The following DIDO1 variants were observed in gnomAD, a reference collection of about 807,000 sequenced individuals.
The protein encoded by DIDO1 is death inducer-obliterator 1.
Under a neutral mutation model 99.4 loss-of-function variants are expected in DIDO1, and 16 were observed. That is an observed-to-expected ratio of 0.16 (90% CI 0.11 to 0.24). DIDO1 has a LOEUF of 0.24. Among genes scored for constraint, DIDO1 ranks in the 10% least tolerant of loss-of-function variants. The pLI is 1.00. For missense variants in DIDO1, 2,996 were observed against 3,014.0 expected, an observed-to-expected ratio of 0.99 and a Z score of 0.14; for synonymous variants, 1,366 against 1,239.1, an observed-to-expected ratio of 1.10 and a Z score of -2.15.
rs1248559764 is a variant in DIDO1 at position 62,911,566 on chromosome 20, A to G, written c.47T>C (p.Ile16Thr). 6.2e-7 allele frequency: 1 copy of G among 1,608,940 alleles called. No homozygotes were observed. The highest frequency in any genetic ancestry group is 1.1e-5 in the South Asian group (1 of 90,064). Reference protein sequence around the residue: ...DPSNEEAPKAIKPTSKEFRKT... With the variant: ...DPSNEEAPKATKPTSKEFRKT... The stretch of plus-strand genomic sequence containing the variant: ...CCTGAACTCTTTGCTGGTGGGTTTG[A>G]TGGCCTTAGGTGCCTCCTCATTGCT... The change falls in exon 3 of 16, where the codon ATC becomes ACC. Residue 16 changes from isoleucine to threonine, a missense_variant. This residue lies in a region of DIDO1 where 388 missense variants were observed against 376.6 expected (regional missense o/e 1.03). Transcript: ENST00000395343. The surrounding 1 kb of genome is among the most constrained non-coding windows in gnomAD (Gnocchi z 7.0).
chr20:62,886,321 G>A (rs1477902953), intron 15 of DIDO1, among the ~76,000 whole-genome samples: 1 of 152,224 alleles, frequency 6.6e-6, no homozygotes, highest in African/African-American at 2.4e-5. Context: ...AAGGCAAATG[G>A]CTTTCTTCAG....
At chr20:62,914,734 TGGA>T (rs1477110776) in intron 1 of DIDO1, among the ~76,000 whole-genome samples, 4 of 152,206 alleles carry the variant, frequency 2.6e-5, no homozygotes, top group African/African-American at 9.7e-5. Flanking sequence ...CTTTTCCATT[TGGA>T]GCCTATGTCC....
chr20:62,884,439 G>A (rs1042032023), intron 15 of DIDO1, among the ~76,000 whole-genome samples: 5 of 152,224 alleles, frequency 3.3e-5, no homozygotes, highest in South Asian at 2.1e-4. Flanking sequence ...ACAACTCAAC[G>A]GTACAGATAA....
chr20:62,907,983 CTTTT>C (rs546785628), intron 4 of DIDO1, among the ~76,000 whole-genome samples: 1 of 149,468 alleles, frequency 6.7e-6, no homozygotes, highest in Non-Finnish European at 1.5e-5. Context: ...ATGAAACATA[CTTTT>C]TTTTTTGTTT....
intron 6 of DIDO1, among the ~76,000 whole-genome samples, chr20:62,902,282 A>C (rs1396011031): frequency 6.6e-6 from 1 of 152,246 alleles, no homozygotes; most frequent in African/African-American, 2.4e-5. Context: ...AAATAACAAA[A>C]GAATGTCATT....
Position 62,881,018 on chromosome 20 carries a change from C to A in DIDO1, c.4938G>T (p.Thr1646=). 1 of 1,604,782 alleles carries A rather than the reference C, an allele frequency of 6.2e-7. No homozygotes were observed. The highest frequency in any genetic ancestry group is 8.5e-7 in the Non-Finnish European group (1 of 1,178,274). Residue 1646 remains threonine (T), a synonymous_variant, in exon 16 of 16, where the codon ACG becomes ACT. Coordinates refer to ENST00000395343, the MANE Select transcript of DIDO1 (RefSeq NM_001193369.2). This position sits in a 1 kb window ranked among gnomAD's most constrained non-coding sequence, Gnocchi z 8.3. ...CAGGCCTGGCCGAGCTGTCTCCAAC[C>A]GTGGCGGGGCGGGTGCCCTCCCCAG... ...AEPGEGTRPA[T]VGDSSARPAR...
At chr20:62,916,134 G>C (rs1457608154) in intron 1 of DIDO1, among the ~76,000 whole-genome samples, 1 of 152,106 alleles carries the variant, frequency 6.6e-6, no homozygotes, top group East Asian at 1.9e-4. Flanking sequence ...TATAATTAGT[G>C]TGTAATTCTA....
chr20:62,904,780 C>CAAAAAAAAAAAAAAAAA lies in DIDO1; in HGVS notation c.1588+1090_1588+1106dup, dbSNP rs58039393. Among the ~76,000 whole-genome samples, 14 of 62,624 alleles carry CAAAAAAAAAAAAAAAAA rather than the reference C, an allele frequency of 2.2e-4. 1 individual carries two copies. The highest frequency in any genetic ancestry group is 1.3e-3 in the East Asian group (3 of 2,346). The allele number at this position is 62,624 out of a possible 152,430, so 41.1% of individuals were successfully genotyped here. A position where few individuals can be genotyped will look rare whatever the true frequency, so the allele number is the denominator to read the frequency against. On this transcript the variant is annotated intron_variant, in intron 6 of 15. Coordinates refer to ENST00000395343, the MANE Select transcript of DIDO1 (RefSeq NM_001193369.2). ...GGGTGACAGAGCAAGACTCTTGTCT[C>CAAAAAAAAAAAAAAAAA]AAAAAAAAAAAAAAAAAAAAAAAAA...
At chr20:62,882,607 G>GGAACGCACCGCCCCGT (rs1323111614) in intron 15 of DIDO1, among the ~76,000 whole-genome samples, 193 bp from the exon 16 acceptor site, 1 of 152,140 alleles carries the variant, frequency 6.6e-6, no homozygotes, top group African/African-American at 2.4e-5. Flanking sequence ...CACCGCCCCG[G>GGAACGCACCGCCCCGT]GAACGAGCTG....
At position 62,878,398 on chromosome 20, in the gene DIDO1, T is replaced by C. The variant is rs566126521; in HGVS notation, c.*835A>G. The C allele has an allele frequency of 6.6e-5, 10 of 152,318 alleles. No homozygotes were observed. In the East Asian group the frequency reaches 1.2e-3, roughly 18 times the overall value. 9.4% of individuals were successfully genotyped at this position (152,318 alleles called of 1,614,324 possible). The stretch of plus-strand genomic sequence containing the variant: ...ACTTTTACATGTATCGTCTGACAAA[T>C]ACCAGTTTGGGGCCGAGCGTACTTT... On this transcript the variant is annotated 3_prime_UTR_variant, in exon 16 of 16. Coordinates refer to ENST00000395343, the MANE Select transcript of DIDO1 (RefSeq NM_001193369.2).
At chr20:62,937,769 C>T in intron 1 of DIDO1, 1 of 398,150 alleles carries the variant, frequency 2.5e-6, no homozygotes, top group Non-Finnish European at 4.4e-6. Flanking sequence ...TGCGGCCTCA[C>T]GCAAACGACA....
chr20:62,926,697 G>A (rs926533422), upstream of DIDO1, among the ~76,000 whole-genome samples: 27 of 152,218 alleles, frequency 1.8e-4, no homozygotes, highest in African/African-American at 6.5e-4. Flanking sequence ...TGCATCCTTT[G>A]TGGACACCTT....
Position 62,891,987 on chromosome 20 carries a change from C to T in DIDO1, c.3345G>A (p.Lys1115=), listed in dbSNP as rs6011448. The change falls in exon 14 of 16, where the codon AAG becomes AAA. Residue 1115 remains lysine (K), a splice_region_variant and synonymous_variant. Coordinates refer to ENST00000395343, the MANE Select transcript of DIDO1 (RefSeq NM_001193369.2). ...YVGKLKSSVS[K]ELCLIRFHPA... ...CAGAATTTATACTATAAGCAGGTACCTTAGACACAGAAGACTTGAGTTTGC... is the reference window on the plus strand; with the variant it reads ...CAGAATTTATACTATAAGCAGGTACTTTAGACACAGAAGACTTGAGTTTGC... The T allele has an allele frequency of 6.2e-7, 1 of 1,610,026 alleles. No homozygotes were observed. The highest frequency in any genetic ancestry group is 8.5e-7 in the Non-Finnish European group (1 of 1,178,876).
chr20:62,891,356 C>T (rs571101149), intron 14 of DIDO1, among the ~76,000 whole-genome samples: 1 of 152,336 alleles, frequency 6.6e-6, no homozygotes, highest in South Asian at 2.1e-4. Flanking sequence ...GCTCTTCCTA[C>T]ATGCACGACG....
intron 1 of DIDO1, among the ~76,000 whole-genome samples, chr20:62,919,308 G>A (rs560090515): frequency 8.5e-5 from 13 of 152,212 alleles, no homozygotes; most frequent in Non-Finnish European, 1.8e-4. Context: ...GGAGGCTGAG[G>A]CAGGTGGATC....
intron 12 of DIDO1, 93 bp from the exon 13 acceptor site, chr20:62,893,055 C>A: frequency 2.2e-6 from 3 of 1,346,382 alleles, no homozygotes; most frequent in Non-Finnish European, 2.0e-6. Context: ...GAGACAGGAT[C>A]TCATTCTGTC....
At chr20:62,912,263 C>A (rs554268302) in intron 2 of DIDO1, among the ~76,000 whole-genome samples, 4 of 152,322 alleles carry the variant, frequency 2.6e-5, no homozygotes, top group East Asian at 1.9e-4. Context: ...AAGTGAATGA[C>A]CCTCACGGGC....
rs766542521 is a variant in DIDO1, at chr20:62,894,890, G to A, written c.2356C>T (p.His786Tyr). The A allele has an allele frequency of 1.1e-5, 17 of 1,614,112 alleles. No homozygotes were observed. The highest frequency in any genetic ancestry group is 1.4e-5 in the Non-Finnish European group (16 of 1,180,032). ...RSVMESRTKL[H>Y]NESKKTAPRQ... ...GGGGCCGTCTTCTTGCTTTCATTGTGCAGTTTAGTTCTGGACTCCATCACC... is the reference window on the plus strand; with the variant it reads ...GGGGCCGTCTTCTTGCTTTCATTGTACAGTTTAGTTCTGGACTCCATCACC... The change falls in exon 10 of 16, where the codon CAC (histidine) becomes TAC (tyrosine). Residue 786 changes from histidine (H) to tyrosine (Y), a missense_variant. Around this residue, in one of 5 missense-constraint regions of DIDO1, gnomAD observed 898 missense variants for 972.7 expected, o/e 0.92. Transcript: ENST00000395343. The surrounding 1 kb of genome is among the most constrained non-coding windows in gnomAD (Gnocchi z 4.4).
Position 62,896,140 on chromosome 20 carries a change from A to G in DIDO1, c.2214+93T>C. Reference sequence around the variant, plus strand: ...GAAAGAAACGTCTTAGCTTTCCTGGAAAGGACACGAACATCTCAAAATATT... The same window carrying G: ...GAAAGAAACGTCTTAGCTTTCCTGGGAAGGACACGAACATCTCAAAATATT... On this transcript the variant is annotated intron_variant, in intron 8 of 15. Coordinates refer to ENST00000395343, the MANE Select transcript of DIDO1 (RefSeq NM_001193369.2). This position sits in a 1 kb window ranked among gnomAD's most constrained non-coding sequence, Gnocchi z 4.4. 3.1e-6 allele frequency: 4 copies of G among 1,302,598 alleles called. No individual in the cohort carries two copies. Among genetic ancestry groups the G allele is most frequent in the Non-Finnish European group, 4.2e-6 (4 of 947,604 alleles). 80.7% of individuals were successfully genotyped at this position (1,302,598 alleles called of 1,614,324 possible).
Sources: gnomAD v4.1 joint callset for allele counts (sites outside exome capture counted in the v4.1 genomes callset) on GRCh38, gnomAD v4.1.1 for gene constraint, gnomAD v4.1.1 regional missense constraint, Gnocchi (gnomAD v3.1) non-coding constraint, MANE v1.5 for transcripts, NCBI Gene and HGNC (gene_info 2026-07-23, HGNC 2026-07-21) for gene names.